MGLL: variants seen among roughly 807,000 people sequenced by gnomAD.
MGLL encodes lysophospholipase homolog.
MGLL carries 7 observed loss-of-function variants against 29.1 expected under a neutral mutation model. The ratio of observed to expected loss-of-function variants is 0.24; its 90% CI spans 0.14 to 0.45. MGLL has a LOEUF of 0.45. Ranked by LOEUF, MGLL falls within the 20% of genes least tolerant of loss-of-function variation. The probability of loss-of-function intolerance (pLI) is 0.99; values close to 1 mark genes in which losing one functional copy is unlikely to be tolerated. For missense variants in MGLL, 356 were observed against 413.6 expected (o/e 0.86, Z 1.21); for synonymous variants, 148 against 168.3 (o/e 0.88, Z 0.93).
rs140435394 is a variant in MGLL, at chr3:127,768,909, C to T, written c.262+12880G>A. ...GGAGAGTGTGCACTTCCTGCAAATC[C>T]CTGGGTGGTGCTGCTGCTGCTCCTG... On this transcript the variant is annotated intron_variant, in intron 3 of 7. Transcript: ENST00000265052. Among the ~76,000 whole-genome samples, 29 of 152,316 alleles carry T rather than the reference C, an allele frequency of 1.9e-4. No individual in the cohort carries two copies. In the East Asian group the frequency reaches 4.0e-3, roughly 21 times the overall value.
intron 6 of MGLL, among the ~76,000 whole-genome samples, chr3:127,696,258 G>T (rs2075359510): frequency 6.6e-6 from 1 of 152,082 alleles, no homozygotes; most frequent in Admixed American, 6.6e-5. Context: ...TGGGTTTCTG[G>T]CTTCACTCTT....
chr3:127,747,328 C>T (rs112807434), intron 3 of MGLL, among the ~76,000 whole-genome samples: 4 of 152,170 alleles, frequency 2.6e-5, no homozygotes, highest in East Asian at 1.9e-4. Flanking sequence ...GGAACATCTG[C>T]GTGTCTTGTC....
chr3:127,694,640 G>A (rs564709491), intron 7 of MGLL, among the ~76,000 whole-genome samples: 3 of 152,214 alleles, frequency 2.0e-5, no homozygotes, highest in South Asian at 2.1e-4. Context: ...GGCATCACAC[G>A]TGTCCTTGGA....
intron 2 of MGLL, among the ~76,000 whole-genome samples, chr3:127,814,500 T>A (rs2077719455): frequency 1.3e-5 from 2 of 152,240 alleles, no homozygotes; most frequent in Non-Finnish European, 2.9e-5. Context: ...ACCAATAGTT[T>A]GGTTTGCATT....
In MGLL at chr3:127,740,276, G is replaced by A. The variant is rs374721800; in HGVS notation, c.263-17710C>T. Among the ~76,000 whole-genome samples, 23 of 152,222 alleles carry A rather than the reference G, an allele frequency of 1.5e-4. 2 individuals carry two copies. The East Asian group carries it at 1.5e-3, about 10-fold the overall frequency. On this transcript the variant is annotated intron_variant, in intron 3 of 7. Transcript: ENST00000265052. ...GCAGCTACCAGCACCATCCAGCTTC[G>A]AACCCTGCCATCCTCCCCAGCTGAA...
intron 3 of MGLL, among the ~76,000 whole-genome samples, chr3:127,724,893 G>T (rs2107629212): frequency 1.3e-5 from 2 of 152,110 alleles, no homozygotes; most frequent in Non-Finnish European, 2.9e-5. Context: ...GAAAACATGG[G>T]GACAGTCTAA....
At chr3:127,815,323 G>A (rs1481451431) in intron 2 of MGLL, among the ~76,000 whole-genome samples, 1 of 152,112 alleles carries the variant, frequency 6.6e-6, no homozygotes, top group African/African-American at 2.4e-5. Flanking sequence ...TACATTAAAG[G>A]TGTGTGCTGT....
chr3:127,731,398 T>C (rs879688666), intron 3 of MGLL, among the ~76,000 whole-genome samples: 2 of 151,728 alleles, frequency 1.3e-5, no homozygotes, highest in Non-Finnish European at 1.5e-5. Flanking sequence ...CTTTGCAGAC[T>C]TTAAGATATT....
chr3:127,786,649 C>T (rs530949327), intron 2 of MGLL, among the ~76,000 whole-genome samples: 8 of 152,346 alleles, frequency 5.3e-5, no homozygotes, highest in Non-Finnish European at 8.8e-5. Context: ...TCCTCTCCAT[C>T]GAAAAACGAA....
chr3:127,734,011 G>A (rs943252669), intron 3 of MGLL, among the ~76,000 whole-genome samples: 14 of 152,222 alleles, frequency 9.2e-5, no homozygotes, highest in Admixed American at 1.3e-4. Flanking sequence ...GAAAGTGGGC[G>A]TTCCTTGCAG....
In MGLL at chr3:127,724,980, G is replaced by A. The variant is rs544721529; in HGVS notation, c.263-2414C>T. 9.9e-5 allele frequency among the ~76,000 whole-genome samples: 15 copies of A among 152,142 alleles called. No homozygotes were observed. The East Asian group carries it at 2.9e-3, about 29-fold the overall frequency. On this transcript the variant is annotated intron_variant, in intron 3 of 7. Transcript: ENST00000265052. ...GCCCAGCCTGCTCCCTGTGCCAGCTGCATCCCCATCCTCCCTCCTTCATCC... is the reference window on the plus strand; with the variant it reads ...GCCCAGCCTGCTCCCTGTGCCAGCTACATCCCCATCCTCCCTCCTTCATCC...
chr3:127,809,581 G>A (rs12496135), intron 2 of MGLL, among the ~76,000 whole-genome samples: 3,002 of 151,886 alleles, frequency 0.02, 47 homozygotes, highest in African/African-American at 0.031. Flanking sequence ...AGCTATGATT[G>A]AGCCAACACA....
At chr3:127,748,438 G>C (rs1425213349) in intron 3 of MGLL, among the ~76,000 whole-genome samples, 1 of 140,268 alleles carries the variant, frequency 7.1e-6, no homozygotes, top group Admixed American at 7.0e-5. Flanking sequence ...GGGAGAGAGA[G>C]AGAGAGAGAG....
intron 2 of MGLL, among the ~76,000 whole-genome samples, chr3:127,814,459 A>G (rs2077718391): frequency 6.6e-6 from 1 of 152,220 alleles, no homozygotes; most frequent in African/African-American, 2.4e-5. Context: ...AATTTGCACC[A>G]GTAAAGACCA....
At chr3:127,732,654 G>A (rs1332205515) in intron 3 of MGLL, among the ~76,000 whole-genome samples, 1 of 152,230 alleles carries the variant, frequency 6.6e-6, no homozygotes, top group Admixed American at 6.5e-5. Flanking sequence ...GGCAGGGACA[G>A]GTGGTTCACA....
In MGLL at chr3:127,752,321, A is replaced by G. The variant is rs1022105073; in HGVS notation, c.262+29468T>C. Among the ~76,000 whole-genome samples, 36 of 151,756 alleles carry G rather than the reference A, an allele frequency of 2.4e-4. 1 individual carries two copies. Among genetic ancestry groups the G allele is most frequent in the Admixed American group, 2.2e-3 (33 of 15,254 alleles). On this transcript the variant is annotated intron_variant, in intron 3 of 7. Transcript: ENST00000265052. Reference sequence around the variant, plus strand: ...ACCATGTTGGCCAGGCTGGCCTCGAACTCCTGACCTCAAGTGATCCACCCA... The same window carrying G: ...ACCATGTTGGCCAGGCTGGCCTCGAGCTCCTGACCTCAAGTGATCCACCCA...
intron 3 of MGLL, among the ~76,000 whole-genome samples, chr3:127,775,226 T>A (rs1321533613): frequency 6.6e-6 from 1 of 151,992 alleles, no homozygotes; most frequent in African/African-American, 2.4e-5. Context: ...ACCCTCGGAG[T>A]TGGGCCCCCA....
intron 5 of MGLL, chr3:127,715,685 G>A (rs2075799103): frequency 4.4e-6 from 2 of 456,608 alleles, no homozygotes; most frequent in African/African-American, 4.0e-5. Flanking sequence ...AGGGGCCATT[G>A]AGGCGGCATG....
chr3:127,711,115 G>C (rs749064030), intron 5 of MGLL: 1 of 218,236 alleles, frequency 4.6e-6, no homozygotes, highest in Non-Finnish European at 9.6e-6. Context: ...GCCACACAGA[G>C]AAAGTGTGCG....
Sources: allele counts gnomAD v4.1 joint callset (sites outside exome capture counted in the v4.1 genomes callset), GRCh38; gene constraint gnomAD v4.1.1; transcripts MANE v1.5; gene names NCBI Gene and HGNC (gene_info 2026-07-23, HGNC 2026-07-21).